The following MACROD2 variants were observed in gnomAD, a reference collection of about 807,000 sequenced individuals.
The protein encoded by MACROD2 is ADP-ribose glycohydrolase MACROD2.
In MACROD2, 36 loss-of-function variants were observed where a neutral mutation model predicts 70.4. The ratio of observed to expected loss-of-function variants is 0.51; its 90% confidence interval spans 0.39 to 0.68. The LOEUF (loss-of-function observed/expected upper bound fraction) is 0.68. MACROD2 is among the 30% of genes least tolerant of loss of function. The pLI is 0.00. For missense variants in MACROD2, 496 were observed against 538.4 expected (o/e 0.92, Z 0.78); for synonymous variants, 172 against 178.8 (o/e 0.96, Z 0.30).
intron 8 of MACROD2, among the ~76,000 whole-genome samples, chr20:15,620,623 T>C (rs544914221): frequency 1.4e-3 from 217 of 152,294 alleles, no homozygotes; most frequent in African/African-American, 5.0e-3. Flanking sequence ...AAGAAGCACT[T>C]AGACTATTCA....
At chr20:14,807,857 A>G (rs577947687) in intron 5 of MACROD2, among the ~76,000 whole-genome samples, 17 of 152,298 alleles carry the variant, frequency 1.1e-4, no homozygotes, top group Admixed American at 2.6e-4. Context: ...TTGAAGATCA[A>G]CTTAATGAAA....
At chr20:15,419,085 G>A (rs964106934) in intron 6 of MACROD2, among the ~76,000 whole-genome samples, 24 of 152,282 alleles carry the variant, frequency 1.6e-4, no homozygotes, top group African/African-American at 4.8e-4. Context: ...GATTTATGAC[G>A]AAGTGGTCCC....
At chr20:14,043,454 C>A (rs1035804250) in intron 2 of MACROD2, among the ~76,000 whole-genome samples, 1 of 152,162 alleles carries the variant, frequency 6.6e-6, no homozygotes, top group Non-Finnish European at 1.5e-5. Context: ...CCTAGAGGAA[C>A]CTTTATGTGT....
At chr20:14,606,739 T>C (rs986154258) in intron 4 of MACROD2, among the ~76,000 whole-genome samples, 1 of 152,194 alleles carries the variant, frequency 6.6e-6, no homozygotes, top group African/African-American at 2.4e-5. Flanking sequence ...GATTTGGCTA[T>C]TGATTTTTGC....
chr20:14,187,789 A>C (rs551998639), intron 3 of MACROD2, among the ~76,000 whole-genome samples: 1 of 152,224 alleles, frequency 6.6e-6, no homozygotes, highest in South Asian at 2.1e-4. Context: ...TGCTCAGCCT[A>C]TCTGTTGGGA....
intron 5 of MACROD2, among the ~76,000 whole-genome samples, chr20:14,996,436 G>A (rs1458899491): frequency 1.3e-5 from 2 of 152,172 alleles, no homozygotes; most frequent in African/African-American, 2.4e-5. Flanking sequence ...GAGGCAGAGC[G>A]AGATGGCTGA....
intron 1 of MACROD2, among the ~76,000 whole-genome samples, chr20:14,001,918 C>G (rs1307066646): frequency 1.3e-5 from 2 of 152,172 alleles, no homozygotes; most frequent in African/African-American, 2.4e-5. Context: ...CCACTAGACA[C>G]CATGTCACAC....
At chr20:15,297,475 C>A (rs931481810) in intron 6 of MACROD2, among the ~76,000 whole-genome samples, 4 of 152,182 alleles carry the variant, frequency 2.6e-5, no homozygotes, top group African/African-American at 9.7e-5. Flanking sequence ...GAGGGCCATA[C>A]TGGAATGATT....
chr20:15,343,509 G>A (rs2078132209), intron 6 of MACROD2, among the ~76,000 whole-genome samples: 2 of 152,086 alleles, frequency 1.3e-5, no homozygotes, highest in South Asian at 4.1e-4. Flanking sequence ...CTCTCCCTCT[G>A]CTGTCTCTCT....
intron 3 of MACROD2, among the ~76,000 whole-genome samples, chr20:14,394,310 A>G (rs541665708): frequency 2.0e-5 from 3 of 152,294 alleles, no homozygotes; most frequent in African/African-American, 2.4e-5. Flanking sequence ...TGTAGTTTTC[A>G]GTGTATAGGT....
At chr20:15,487,536 A>G (rs6074904) in intron 7 of MACROD2, among the ~76,000 whole-genome samples, 18,468 of 152,258 alleles carry the variant, frequency 0.12, 1,418 homozygotes, top group East Asian at 0.24. Flanking sequence ...AATCAGCAAT[A>G]GTGTGGCTGC....
chr20:14,889,189 AT>A (rs2073719409), intron 5 of MACROD2, among the ~76,000 whole-genome samples: 1 of 152,100 alleles, frequency 6.6e-6, no homozygotes, highest in South Asian at 2.1e-4. Context: ...TCCTTGCCTT[AT>A]TTTGTTTATG....
intron 3 of MACROD2, among the ~76,000 whole-genome samples, chr20:14,108,620 T>A (rs1386964512): frequency 1.3e-5 from 2 of 152,084 alleles, no homozygotes; most frequent in Non-Finnish European, 2.9e-5. Flanking sequence ...GTAGCTATAC[T>A]TGTATCAGAC....
chr20:15,257,756 G>A (rs892374742), intron 6 of MACROD2, among the ~76,000 whole-genome samples: 2 of 152,042 alleles, frequency 1.3e-5, no homozygotes, highest in East Asian at 1.9e-4. Context: ...ATTGTTTTAC[G>A]AATTTGCTAT....
intron 6 of MACROD2, among the ~76,000 whole-genome samples, chr20:15,391,922 T>G (rs2045798023): frequency 6.6e-6 from 1 of 151,942 alleles, no homozygotes; most frequent in African/African-American, 2.4e-5. Flanking sequence ...GTTATCAAAC[T>G]ATTATTTAAT....
intron 17 of MACROD2, among the ~76,000 whole-genome samples, chr20:16,047,402 T>C (rs1395232615): frequency 6.6e-6 from 1 of 152,222 alleles, no homozygotes; most frequent in Non-Finnish European, 1.5e-5. Flanking sequence ...TGGAACACTT[T>C]CCAAATGTAA....
At chr20:15,579,556 C>T (rs1203039721) in intron 8 of MACROD2, among the ~76,000 whole-genome samples, 1 of 152,146 alleles carries the variant, frequency 6.6e-6, no homozygotes. Flanking sequence ...CTGAGGGGAG[C>T]CCTCAGGATG....
intron 6 of MACROD2, among the ~76,000 whole-genome samples, chr20:15,375,724 G>A (rs1471275476): frequency 6.6e-6 from 1 of 152,006 alleles, no homozygotes; most frequent in Non-Finnish European, 1.5e-5. Flanking sequence ...ACTGTGCTGG[G>A]CATTTTATAC....
chr20:15,877,058 G>A lies in MACROD2; in HGVS notation c.728-8706G>A, dbSNP rs371244280. Among the ~76,000 whole-genome samples the A allele has an allele frequency of 1.3e-3, 191 of 152,134 alleles. 1 individual carries two copies. The highest frequency in any genetic ancestry group is 4.3e-3 in the African/African-American group (178 of 41,516). ...TGAGCATGGGAACTGAAACCATTGC[G>A]TATTTGATCACATGACCCTTTAGAG... On this transcript the variant is annotated intron_variant, in intron 9 of 17. Coordinates refer to ENST00000684519, the MANE Select transcript of MACROD2 (RefSeq NM_001351661.2).
Sources: allele counts gnomAD v4.1 joint callset (sites outside exome capture counted in the v4.1 genomes callset), GRCh38; gene constraint gnomAD v4.1.1; transcripts MANE v1.5; gene names NCBI Gene and HGNC (gene_info 2026-07-23, HGNC 2026-07-21).